Variants in TMEM61 observed in about 807,000 individuals in gnomAD.
TMEM61 encodes transmembrane protein 61.
TMEM61 carries 13 observed loss-of-function variants against 12.0 expected under a neutral mutation model. The observed-to-expected ratio is 1.08, with a 90% CI of 0.70 to 1.72. The LOEUF is 1.72. Among genes scored for constraint, TMEM61 ranks in the 40% most tolerant of loss-of-function variants. The pLI, the probability that TMEM61 is intolerant of heterozygous loss-of-function variation, is 0.00. For missense variants in TMEM61, 249 were observed against 276.9 expected (o/e 0.90, Z 0.71); for synonymous variants, 109 against 121.4 (o/e 0.90, Z 0.67).
intron 2 of TMEM61, 81 bp from the exon 3 acceptor site, chr1:54,991,755 C>T: frequency 1.3e-6 from 2 of 1,503,188 alleles, no homozygotes; most frequent in Non-Finnish European, 1.8e-6. Flanking sequence ...CTTCTCTGCC[C>T]CCAGCCTTCC....
chr1:54,992,059 C>T lies in TMEM61; in HGVS notation c.589C>T (p.Arg197Cys), dbSNP rs184442175. ...VSAETTPSAT[R>C]SCSGLVQTAR... Reference sequence around the variant, plus strand: ...TGCGGAGACGACACCGAGTGCCACACGCTCCTGCTCAGGCCTGGTTCAGAC... The same window carrying T: ...TGCGGAGACGACACCGAGTGCCACATGCTCCTGCTCAGGCCTGGTTCAGAC... Residue 197 changes from arginine (R) to cysteine (C), a missense_variant, in exon 3 of 3, where the codon CGC becomes TGC. By Grantham distance (180) the Arg-to-Cys change is radical. Coordinates refer to ENST00000371268, the MANE Select transcript of TMEM61 (RefSeq NM_182532.3). The T allele has an allele frequency of 6.4e-5, 103 of 1,613,452 alleles. No homozygotes were observed. Among genetic ancestry groups the T allele is most frequent in the South Asian group, 5.7e-4 (52 of 91,080 alleles).
Position 54,992,027 on chromosome 1 carries a change from C to T in TMEM61, c.557C>T (p.Ala186Val). 1 of 1,613,720 alleles carries T rather than the reference C, an allele frequency of 6.2e-7. No individual in the cohort carries two copies. Among genetic ancestry groups the T allele is most frequent in the African/African-American group, 1.3e-5 (1 of 74,930 alleles). ...SYESISLALD[A>V]VSAETTPSAT... ...GAGAGCATCAGCCTTGCTCTTGATG[C>T]CGTTTCTGCGGAGACGACACCGAGT... The change falls in exon 3 of 3, where the codon GCC becomes GTC. Residue 186 changes from alanine (A) to valine (V), a missense_variant. By Grantham distance (64) the Ala-to-Val change is moderately conservative (BLOSUM62 0). Coordinates refer to ENST00000371268, the MANE Select transcript of TMEM61 (RefSeq NM_182532.3).
chr1:54,984,602 G>A (rs754394521), intron 1 of TMEM61, among the ~76,000 whole-genome samples: 15 of 152,330 alleles, frequency 9.8e-5, no homozygotes, highest in South Asian at 6.2e-4. Context: ...GATTTATTGA[G>A]CAGCTATTAT....
intron 1 of TMEM61, among the ~76,000 whole-genome samples, chr1:54,985,456 C>T (rs1644251378): frequency 6.6e-6 from 1 of 152,190 alleles, no homozygotes; most frequent in South Asian, 2.1e-4. Flanking sequence ...AGGCTGGTCT[C>T]GAACTCCTGA....
chr1:54,992,191 A>G lies in TMEM61; in HGVS notation c.*88A>G, dbSNP rs747533155. The G allele has an allele frequency of 3.7e-5, 55 of 1,475,014 alleles. No homozygotes were observed. Among genetic ancestry groups the G allele is most frequent in the Non-Finnish European group, 4.9e-5 (54 of 1,097,742 alleles). The allele number at this position is 1,475,014 out of a possible 1,614,324, so 91.4% of individuals were successfully genotyped here. ...AGTGCCTGGGACACAGTAGGCACTC[A>G]GCAAACGTTCGTTGTTGAAGGCTGT... On this transcript the variant is annotated 3_prime_UTR_variant, in exon 3 of 3. Coordinates refer to ENST00000371268, the MANE Select transcript of TMEM61 (RefSeq NM_182532.3).
chr1:54,990,374 C>A (rs545806104), intron 2 of TMEM61, among the ~76,000 whole-genome samples: 6 of 152,152 alleles, frequency 3.9e-5, no homozygotes, highest in African/African-American at 1.4e-4. Context: ...AGCCTCCCAG[C>A]AGGCTGCTGT....
At position 54,986,238 on chromosome 1, in the gene TMEM61, C is replaced by A; in HGVS notation, c.157C>A (p.Pro53Thr). 1.2e-6 allele frequency: 2 copies of A among 1,613,838 alleles called. No homozygotes were observed. Among genetic ancestry groups the A allele is most frequent in the Non-Finnish European group, 1.7e-6 (2 of 1,180,012 alleles). ...CGCCCAGCCTGGCCAGCTGGCCCCA[C>A]CCACGGAGTATCCGGTGCCTGAGGG... ...ATAQPGQLAP[P>T]TEYPVPEGPS... The change falls in exon 2 of 3, where the codon CCC becomes ACC. Residue 53 changes from proline to threonine, a missense_variant. Transcript: ENST00000371268.
Position 54,981,047 on chromosome 1 carries a change from G to T in TMEM61, c.-19G>T. ...CCGGCTCCCTGCGCGCCTGGACAGCGCCTGCTGCCCGCCTCCCGATGGCCC... is the reference window on the plus strand; with the variant it reads ...CCGGCTCCCTGCGCGCCTGGACAGCTCCTGCTGCCCGCCTCCCGATGGCCC... On this transcript the variant is annotated 5_prime_UTR_variant, in exon 1 of 3. Coordinates refer to ENST00000371268, the MANE Select transcript of TMEM61 (RefSeq NM_182532.3). 1 of 1,572,824 alleles carries T rather than the reference G, an allele frequency of 6.4e-7. No individual in the cohort carries two copies.
rs1157400990 is a variant in TMEM61 at position 54,983,115 on chromosome 1, TTTTTTTG to T, written c.15+2042_15+2048del. ...GTGATTTGTGTTTTGCTTTGTTTTT[TTTTTTTG>T]TTTTTTTTTGAGAAAGAGTCTCACT... is the stretch of plus-strand genomic sequence containing the variant. On this transcript the variant is annotated intron_variant, in intron 1 of 2. Transcript: ENST00000371268. 2.5e-4 allele frequency among the ~76,000 whole-genome samples: 32 copies of T among 128,888 alleles called. 6 individuals carry two copies. Among genetic ancestry groups the T allele is most frequent in the Non-Finnish European group, 3.3e-4 (19 of 57,496 alleles). The allele number at this position is 128,888 out of a possible 152,430, so 84.6% of individuals were successfully genotyped here.
chr1:54,986,072 C>T (rs1644255664), intron 1 of TMEM61, 25 bp from the exon 2 acceptor site: 4 of 1,550,718 alleles, frequency 2.6e-6, no homozygotes, highest in Non-Finnish European at 3.5e-6. Context: ...CCCATTTCCT[C>T]TTCTCCCTCC....
Position 54,986,411 on chromosome 1 carries a change from C to T in TMEM61, c.330C>T (p.Tyr110=). ...DPYHLSRDLY[Y]LTVESSEKES... ...ATCACCTCTCCAGAGACCTGTACTACCTCACTGTGGAGTCCTCAGAGAAGG... is the reference window on the plus strand; with the variant it reads ...ATCACCTCTCCAGAGACCTGTACTATCTCACTGTGGAGTCCTCAGAGAAGG... Residue 110 remains tyrosine, a synonymous_variant, in exon 2 of 3, where the codon TAC becomes TAT. Coordinates refer to ENST00000371268, the MANE Select transcript of TMEM61 (RefSeq NM_182532.3). 2 of 1,596,108 alleles carry T rather than the reference C, an allele frequency of 1.3e-6. No individual in the cohort carries two copies. Among genetic ancestry groups the T allele is most frequent in the Non-Finnish European group, 1.7e-6 (2 of 1,167,664 alleles).
chr1:54,991,873 G>T lies in TMEM61; in HGVS notation c.403G>T (p.Ala135Ser). ...GGTTGACATCCCCACTTACGAGGAA[G>T]CCGTGAGCTTCCCAGTGGCCGAGGG... ...KVVDIPTYEEAVSFPVAEGPP... is the reference protein window; with the variant it reads ...KVVDIPTYEESVSFPVAEGPP... The change falls in exon 3 of 3, where the codon GCC becomes TCC. Residue 135 changes from alanine (A) to serine (S), a missense_variant. Transcript: ENST00000371268. 1 of 1,614,110 alleles carries T rather than the reference G, an allele frequency of 6.2e-7. No individual in the cohort carries two copies. The highest frequency in any genetic ancestry group is 1.7e-5 in the Admixed American group (1 of 60,018).
At chr1:54,990,935 C>G (rs527364384) in intron 2 of TMEM61, among the ~76,000 whole-genome samples, 1 of 152,292 alleles carries the variant, frequency 6.6e-6, no homozygotes, top group South Asian at 2.1e-4. Flanking sequence ...CCAACCAGTG[C>G]CCAGACTCAT....
chr1:54,989,521 G>A (rs1052105676), intron 2 of TMEM61, among the ~76,000 whole-genome samples: 2 of 152,248 alleles, frequency 1.3e-5, no homozygotes, highest in African/African-American at 2.4e-5. Context: ...CCTGTGCGGG[G>A]AGACCACTGT....
At chr1:54,981,229 GTGGCT>G in intron 1 of TMEM61, 149 bp downstream of exon 1, 1 of 819,294 alleles carries the variant, frequency 1.2e-6, no homozygotes, top group South Asian at 2.1e-5. Flanking sequence ...ATCTTGCTGG[GTGGCT>G]TGAGGCCATG....
chr1:54,983,825 G>A (rs1205787708), intron 1 of TMEM61, among the ~76,000 whole-genome samples: 1 of 152,150 alleles, frequency 6.6e-6, no homozygotes, highest in African/African-American at 2.4e-5. Context: ...TTGACTTTGG[G>A]GATGGGGGAC....
chr1:54,991,150 G>A (rs1169769011), intron 2 of TMEM61, among the ~76,000 whole-genome samples: 2 of 152,216 alleles, frequency 1.3e-5, no homozygotes, highest in South Asian at 2.1e-4. Context: ...TGGCTGGGGC[G>A]TGGGTGATCT....
chr1:54,986,097 A>G lies in TMEM61; in HGVS notation c.16A>G (p.Met6Val), dbSNP rs143466854. 823 of 1,580,012 alleles carry G rather than the reference A, an allele frequency of 5.2e-4. 6 individuals are homozygous for G. In the African/African-American group the frequency reaches 0.01, roughly 19 times the overall value. Residue 6 changes from methionine (M) to valine (V), a missense_variant and splice_region_variant, in exon 2 of 3, where the codon ATG (methionine) becomes GTG (valine). Coordinates refer to ENST00000371268, the MANE Select transcript of TMEM61 (RefSeq NM_182532.3). ...CTTCTCCCTCCTTCTCTGTGTCCAGATGTGTGACGGGAGCCACTTGGCCTC... is the reference window on the plus strand; with the variant it reads ...CTTCTCCCTCCTTCTCTGTGTCCAGGTGTGTGACGGGAGCCACTTGGCCTC... Reference protein sequence around the residue: MALPQMCDGSHLASTL... With the variant: MALPQVCDGSHLASTL...
In TMEM61 at chr1:54,981,050, T is replaced by C. The variant is rs775206902; in HGVS notation, c.-16T>C. 6.3e-7 allele frequency: 1 copy of C among 1,576,016 alleles called. No individual in the cohort carries two copies. The highest frequency in any genetic ancestry group is 8.6e-7 in the Non-Finnish European group (1 of 1,159,944). On this transcript the variant is annotated 5_prime_UTR_variant, in exon 1 of 3. Coordinates refer to ENST00000371268, the MANE Select transcript of TMEM61 (RefSeq NM_182532.3). ...GCTCCCTGCGCGCCTGGACAGCGCC[T>C]GCTGCCCGCCTCCCGATGGCCCTGC...
Sources: gnomAD v4.1 joint callset for allele counts (sites outside exome capture counted in the v4.1 genomes callset) on GRCh38, gnomAD v4.1.1 for gene constraint, MANE v1.5 for transcripts, NCBI Gene and HGNC (gene_info 2026-07-23, HGNC 2026-07-21) for gene names.